RAPGEF4: variants seen among roughly 807,000 people sequenced by gnomAD.
The protein encoded by RAPGEF4 is RAP guanine-nucleotide-exchange factor (GEF) 4.
RAPGEF4 carries 66 observed loss-of-function variants against 147.9 expected under a neutral mutation model. That is an observed-to-expected ratio of 0.45 (90% confidence interval 0.37 to 0.55). The LOEUF is 0.55. Among genes scored for constraint, RAPGEF4 ranks in the 20% least tolerant of loss-of-function variants. The pLI is 0.00. For missense variants in RAPGEF4, 1,071 were observed against 1,257.3 expected (o/e 0.85, Z 2.24); for synonymous variants, 419 against 442.7 (o/e 0.95, Z 0.67).
chr2:172,901,080 T>C (rs13030842), intron 4 of RAPGEF4, among the ~76,000 whole-genome samples: 79,907 of 151,984 alleles, frequency 0.53, 21,474 homozygotes, highest in East Asian at 0.66. Flanking sequence ...TCAAAGGAAT[T>C]TTCTGAGTGA....
intron 6 of RAPGEF4, among the ~76,000 whole-genome samples, chr2:172,947,685 A>C (rs2105366281): frequency 6.6e-6 from 1 of 152,260 alleles, no homozygotes; most frequent in Non-Finnish European, 1.5e-5. Context: ...TAAACTTCAA[A>C]ATTCCAAGGT....
intron 4 of RAPGEF4, among the ~76,000 whole-genome samples, chr2:172,870,248 A>G (rs1477447712): frequency 6.6e-6 from 1 of 152,196 alleles, no homozygotes; most frequent in Non-Finnish European, 1.5e-5. Flanking sequence ...GACCCGGTAC[A>G]CTATACTGTA....
chr2:172,992,868 A>G (rs1033017628), intron 15 of RAPGEF4, among the ~76,000 whole-genome samples: 4 of 152,250 alleles, frequency 2.6e-5, no homozygotes, highest in African/African-American at 9.6e-5. Flanking sequence ...TGCTCTCTCA[A>G]GGGGTCATTT....
chr2:172,853,095 C>T (rs879273505), intron 4 of RAPGEF4, among the ~76,000 whole-genome samples: 7 of 149,752 alleles, frequency 4.7e-5, no homozygotes, highest in Non-Finnish European at 7.5e-5. Context: ...ATGTTCATAG[C>T]AATTTTTTTC....
At chr2:172,824,177 G>T (rs1279261311) in intron 4 of RAPGEF4, among the ~76,000 whole-genome samples, 1 of 152,218 alleles carries the variant, frequency 6.6e-6, no homozygotes, top group African/African-American at 2.4e-5. Flanking sequence ...TTCATCATTT[G>T]TAGTTGTAGT....
intron 4 of RAPGEF4, among the ~76,000 whole-genome samples, chr2:172,875,606 T>C (rs1695821914): frequency 6.6e-6 from 1 of 152,174 alleles, no homozygotes; most frequent in Non-Finnish European, 1.5e-5. Flanking sequence ...CATTGTTCTA[T>C]ATCTCTGTTT....
chr2:173,047,603 A>G (rs907684623), intron 29 of RAPGEF4, among the ~76,000 whole-genome samples: 2 of 152,206 alleles, frequency 1.3e-5, no homozygotes, highest in African/African-American at 4.8e-5. Context: ...CGAAATATTA[A>G]CAAGATTACT....
chr2:172,988,054 C>A lies in RAPGEF4; in HGVS notation c.1151-142C>A, dbSNP rs1048895290. 2.9e-5 allele frequency: 37 copies of A among 1,274,710 alleles called. No individual in the cohort carries two copies. The African/African-American group carries it at 5.4e-4, about 19-fold the overall frequency. 79.0% of individuals were successfully genotyped at this position (1,274,710 alleles called of 1,614,324 possible). A position where few individuals can be genotyped will look rare whatever the true frequency, so the allele number is the denominator to read the frequency against. ...AAAAGGAGATAATGTGCCACCTGAA[C>A]AAGTTAATATTTGCCAGTGATGTTT... On this transcript the variant is annotated intron_variant, in intron 12 of 30. Transcript: ENST00000397081.
chr2:173,044,157 C>T (rs917039572), intron 29 of RAPGEF4, among the ~76,000 whole-genome samples: 10 of 151,648 alleles, frequency 6.6e-5, no homozygotes, highest in Non-Finnish European at 1.3e-4. Context: ...TACATGCTAA[C>T]TAAGGAGCGG....
Position 173,050,309 on chromosome 2 carries a change from G to A in RAPGEF4, c.2909-1331G>A, listed in dbSNP as rs945710048. On this transcript the variant is annotated intron_variant, in intron 30 of 30. Transcript: ENST00000397081. ...GAGTACACTGCCAGTGAGAAGCAGA[G>A]GAAATTAAACACAATGTGCTCTGCA... Among the ~76,000 whole-genome samples the A allele has an allele frequency of 7.2e-5, 11 of 152,326 alleles. No homozygotes were observed. In the South Asian group the frequency reaches 2.3e-3, roughly 32 times the overall value.
chr2:172,825,418 A>AT (rs1272272971), intron 4 of RAPGEF4, among the ~76,000 whole-genome samples: 1 of 152,200 alleles, frequency 6.6e-6, no homozygotes, highest in Non-Finnish European at 1.5e-5. Flanking sequence ...TTGACCCATC[A>AT]TAAGTTAGTG....
rs1296979837 is a variant in RAPGEF4, at chr2:173,014,575, C to T, written c.1770C>T (p.Asp590=). 1.2e-6 allele frequency: 2 copies of T among 1,614,034 alleles called. No homozygotes were observed. The highest frequency in any genetic ancestry group is 1.3e-5 in the African/African-American group (1 of 75,034). ...LVLQWAAMYG[D]LLQEDDVSMA... ...TACAGTGGGCTGCCATGTATGGAGA[C>T]CTCCTGCAAGAGGATGACGTGTCTA... is the stretch of plus-strand genomic sequence containing the variant. Residue 590 remains aspartate (D), a synonymous_variant, in exon 18 of 31, where the codon GAC becomes GAT. Coordinates refer to ENST00000397081, the MANE Select transcript of RAPGEF4 (RefSeq NM_007023.4).
At chr2:172,762,228 G>A (rs976358037) in intron 1 of RAPGEF4, among the ~76,000 whole-genome samples, 1 of 152,158 alleles carries the variant, frequency 6.6e-6, no homozygotes, top group Non-Finnish European at 1.5e-5. Context: ...ATACAAGAAC[G>A]ATGTTAGTTG....
In RAPGEF4 at chr2:172,814,455, T is replaced by C. The variant is rs1275307555; in HGVS notation, c.444+30T>C. On this transcript the variant is annotated intron_variant, in intron 4 of 30. Transcript: ENST00000397081. The stretch of plus-strand genomic sequence containing the variant: ...GCCCTAAGGCTTCTTTGTCAATTAA[T>C]GCAGTTTCAGAAAAGAAAGGGAGCT... 7 of 1,612,626 alleles carry C rather than the reference T, an allele frequency of 4.3e-6. No individual in the cohort carries two copies. In the South Asian group the frequency reaches 6.6e-5, roughly 15 times the overall value.
At chr2:172,863,779 C>T (rs1694294888) in intron 4 of RAPGEF4, among the ~76,000 whole-genome samples, 1 of 152,108 alleles carries the variant, frequency 6.6e-6, no homozygotes, top group Non-Finnish European at 1.5e-5. Flanking sequence ...TTTATAGGAG[C>T]GATGTTGTAA....
intron 15 of RAPGEF4, among the ~76,000 whole-genome samples, chr2:172,992,169 C>A (rs996795886): frequency 2.0e-5 from 3 of 152,118 alleles, no homozygotes; most frequent in African/African-American, 4.8e-5. Flanking sequence ...CACTCCATAT[C>A]GAAAGAACTG....
chr2:172,735,906 C>A lies in RAPGEF4; in HGVS notation c.-78C>A, dbSNP rs1002057125. On this transcript the variant is annotated 5_prime_UTR_variant, in exon 1 of 31. Transcript: ENST00000397081. ...GGAGGAGCGGGGTCCGCGCGGCGGA[C>A]GAGGCGGGGGCGGAGGCGCAGGCAG... is the stretch of plus-strand genomic sequence containing the variant. 4 of 1,232,238 alleles carry A rather than the reference C, an allele frequency of 3.2e-6. No homozygotes were observed. The highest frequency in any genetic ancestry group is 4.1e-6 in the Non-Finnish European group (4 of 964,348). The allele number at this position is 1,232,238 out of a possible 1,614,324, so 76.3% of individuals were successfully genotyped here.
At chr2:172,831,276 T>TTTTTTTTTTTTTTTTTTTTTTG (rs1690297886) in intron 4 of RAPGEF4, among the ~76,000 whole-genome samples, 2 of 126,040 alleles carry the variant, frequency 1.6e-5, no homozygotes, top group Non-Finnish European at 1.7e-5. Flanking sequence ...CTTTTTTTTT[T>TTTTTTTTTTTTTTTTTTTTTTG]TTTTTTTTTG....
intron 4 of RAPGEF4, among the ~76,000 whole-genome samples, chr2:172,888,656 T>C (rs1352592552): frequency 6.6e-6 from 1 of 152,258 alleles, no homozygotes; most frequent in South Asian, 2.1e-4. Flanking sequence ...TTACCTTCTA[T>C]GAAAATATGA....
Sources: gnomAD v4.1 joint callset for allele counts (sites outside exome capture counted in the v4.1 genomes callset) on GRCh38, gnomAD v4.1.1 for gene constraint, MANE v1.5 for transcripts, NCBI Gene and HGNC (gene_info 2026-07-23, HGNC 2026-07-21) for gene names.